The following ERICH1 variants were observed in gnomAD, a reference collection of about 807,000 sequenced individuals.
ERICH1 encodes the protein glutamate-rich protein 1.
A neutral mutation model predicts 39.6 loss-of-function variants in ERICH1; 56 were observed. The ratio of observed to expected loss-of-function variants is 1.41; its 90% CI spans 1.14 to 1.77. ERICH1 has a LOEUF of 1.77. Among genes scored for constraint, ERICH1 ranks in the 40% most tolerant of loss-of-function variants. The pLI is 0.00. For synonymous variants in ERICH1, 313 were observed against 223.6 expected (o/e 1.40, Z -3.57); for missense variants, 826 against 575.4 (o/e 1.44, Z -4.45).
chr8:699,291 G>T (rs2132155252), intron 2 of ERICH1, among the ~76,000 whole-genome samples: 1 of 152,250 alleles, frequency 6.6e-6, no homozygotes, highest in South Asian at 2.1e-4. Flanking sequence ...CTACCGGGGG[G>T]AGCGCCAGCC....
chr8:719,514 G>A (rs906524162), intron 1 of ERICH1, among the ~76,000 whole-genome samples: 6 of 152,200 alleles, frequency 3.9e-5, no homozygotes, highest in Non-Finnish European at 7.3e-5. Flanking sequence ...AGGTCTGCTG[G>A]GTTTCTCCCT....
intron 3 of ERICH1, among the ~76,000 whole-genome samples, chr8:625,042 C>A (rs1797524827): frequency 1.3e-5 from 2 of 152,174 alleles, no homozygotes; most frequent in African/African-American, 4.8e-5. Context: ...CTTTTAAACA[C>A]TCAGGCTTCC....
chr8:664,610 C>T lies in ERICH1; in HGVS notation c.1325G>A (p.Ser442Asn). 6.2e-7 allele frequency: 1 copy of T among 1,610,996 alleles called. No homozygotes were observed. Among genetic ancestry groups the T allele is most frequent in the Non-Finnish European group, 8.5e-7 (1 of 1,178,880 alleles). The part of the protein sequence containing the change: ...WITHILPEKS[S>N]D ...TTAAAGAGATATTCCATTTTAGTCA[C>T]TGCTCTTCTCAGGAAGGATATGTGT... Residue 442 changes from serine (S) to asparagine (N), a missense_variant, in exon 6 of 6, where the codon AGT becomes AAT. Physicochemically the swap from Ser to Asn is conservative, Grantham distance 46 (BLOSUM62 1). Transcript: ENST00000262109.
At chr8:689,628 G>A (rs932354341) in intron 3 of ERICH1, among the ~76,000 whole-genome samples, 25 of 152,292 alleles carry the variant, frequency 1.6e-4, no homozygotes, top group African/African-American at 6.0e-4. Context: ...CATGTTGGGG[G>A]CACTGCGGAC....
intron 3 of ERICH1, among the ~76,000 whole-genome samples, chr8:639,866 G>C (rs1024784834): frequency 6.6e-6 from 1 of 151,926 alleles, no homozygotes; most frequent in Non-Finnish European, 1.5e-5. Context: ...AGAGGCAGCC[G>C]GTTTTTCAGA....
At chr8:665,343 C>T (rs921818009) in intron 5 of ERICH1, among the ~76,000 whole-genome samples, 2 of 152,326 alleles carry the variant, frequency 1.3e-5, no homozygotes, top group South Asian at 2.1e-4. Context: ...CTGTGCTCAC[C>T]GGGCTCACGG....
chr8:678,722 C>G (rs1805412361), intron 3 of ERICH1, among the ~76,000 whole-genome samples: 1 of 152,156 alleles, frequency 6.6e-6, no homozygotes, highest in Non-Finnish European at 1.5e-5. Flanking sequence ...GCAGAAGAAT[C>G]GCTTGAACCT....
chr8:709,249 A>G (rs1245509101), intron 2 of ERICH1, among the ~76,000 whole-genome samples: 1 of 152,140 alleles, frequency 6.6e-6, no homozygotes, highest in Non-Finnish European at 1.5e-5. Context: ...GAAGGGTCTA[A>G]ATTGTCCAAG....
rs11993446 is a variant in ERICH1 at position 632,027 on chromosome 8, G to A, written c.977-16743C>T. ...TTAGAACTCCCAAAGCACCACAGCC[G>A]GAATAGACTCGAGCTGCGTCTCTGC... On this transcript the variant is annotated intron_variant, in intron 3 of 3. Transcript: ENST00000522706. Among the ~76,000 whole-genome samples, 1,416 of 147,714 alleles carry A rather than the reference G, an allele frequency of 9.6e-3. 25 individuals carry two copies. The highest frequency in any genetic ancestry group is 0.035 in the African/African-American group (1,307 of 37,324).
At chr8:665,562 A>T (rs1196154559) in intron 5 of ERICH1, among the ~76,000 whole-genome samples, 1 of 152,240 alleles carries the variant, frequency 6.6e-6, no homozygotes, top group Non-Finnish European at 1.5e-5. Flanking sequence ...AAGCCCCAAC[A>T]GTCAGGATGA....
At chr8:699,926 C>A (rs369946557) in intron 2 of ERICH1, among the ~76,000 whole-genome samples, 1 of 142,688 alleles carries the variant, frequency 7.0e-6, no homozygotes, top group African/African-American at 2.6e-5. Flanking sequence ...CAGGCCCGCA[C>A]AGGCGCACAG....
At chr8:682,824 G>A (rs931944048) in intron 3 of ERICH1, among the ~76,000 whole-genome samples, 2 of 152,182 alleles carry the variant, frequency 1.3e-5, no homozygotes, top group Non-Finnish European at 2.9e-5. Context: ...AAGTAGGCTA[G>A]GCATTTTAAA....
intron 3 of ERICH1, among the ~76,000 whole-genome samples, chr8:627,724 A>G (rs1381138600): frequency 6.6e-6 from 1 of 152,190 alleles, no homozygotes; most frequent in Non-Finnish European, 1.5e-5. Flanking sequence ...TTGGCCTGAG[A>G]GTTCCATGTT....
At position 668,740 on chromosome 8, in the gene ERICH1, C is replaced by T. The variant is rs758768926; in HGVS notation, c.1116G>A (p.Leu372=). The T allele has an allele frequency of 3.1e-6, 5 of 1,613,576 alleles. No homozygotes were observed. Among genetic ancestry groups the T allele is most frequent in the Admixed American group, 1.7e-5 (1 of 60,000 alleles). ...TGCTGTGTGACGCAAGGCGGTCCAG[C>T]AGCTCCTCAGCGGCATCTGCGAGGG... ...SAALADAAEE[L]LDRLASHSML... Residue 372 remains leucine (L), a synonymous_variant, in exon 5 of 6, where the codon CTG becomes CTA. Transcript: ENST00000262109.
At chr8:711,496 A>G (rs1814722961) in intron 2 of ERICH1, among the ~76,000 whole-genome samples, 1 of 151,788 alleles carries the variant, frequency 6.6e-6, no homozygotes, top group African/African-American at 2.4e-5. Flanking sequence ...ACTCAGGTGT[A>G]AGATCTTTTT....
At chr8:704,755 C>CA (rs1182436345) in intron 2 of ERICH1, among the ~76,000 whole-genome samples, 1 of 151,682 alleles carries the variant, frequency 6.6e-6, no homozygotes, top group African/African-American at 2.4e-5. Context: ...CCCTCCCTGC[C>CA]AAAAAAGAAA....
At chr8:622,276 C>T (rs944359885) in intron 3 of ERICH1, among the ~76,000 whole-genome samples, 1 of 151,986 alleles carries the variant, frequency 6.6e-6, no homozygotes, top group Non-Finnish European at 1.5e-5. Context: ...TGTTTGTATC[C>T]ACCCCCCATT....
intron 1 of ERICH1, among the ~76,000 whole-genome samples, chr8:716,534 C>A (rs899031502): frequency 6.6e-6 from 1 of 152,252 alleles, no homozygotes; most frequent in Non-Finnish European, 1.5e-5. Context: ...GTGTCAACAA[C>A]TGCGAATGGG....
At chr8:692,050 C>G (rs73178814) in intron 3 of ERICH1, among the ~76,000 whole-genome samples, 31,802 of 152,132 alleles carry the variant, frequency 0.21, 4,225 homozygotes, top group Non-Finnish European at 0.3. Context: ...AAAAGACATT[C>G]GAAATAAGGT....
Sources: allele counts gnomAD v4.1 joint callset (sites outside exome capture counted in the v4.1 genomes callset), GRCh38; gene constraint gnomAD v4.1.1; transcripts MANE v1.5; gene names NCBI Gene and HGNC (gene_info 2026-07-23, HGNC 2026-07-21).